The following LIMS2 variants were observed in gnomAD, a reference collection of about 807,000 sequenced individuals.
LIMS2 encodes LIM zinc finger domain containing 2.
A neutral mutation model predicts 45.3 loss-of-function variants in LIMS2; 30 were observed. The observed-to-expected ratio is 0.66, with a 90% CI of 0.50 to 0.90. The LOEUF (loss-of-function observed/expected upper bound fraction) is 0.90. Ranked by LOEUF, LIMS2 falls within the 40% of genes least tolerant of loss-of-function variation. The pLI is 0.00. For missense variants in LIMS2, 485 were observed against 468.7 expected, an observed-to-expected ratio of 1.03 and a Z score of -0.32; for synonymous variants, 173 against 188.0, an observed-to-expected ratio of 0.92 and a Z score of 0.65.
chr2:127,640,778 C>T (rs998372886), intron 7 of LIMS2, 118 bp downstream of exon 7: 1 of 886,620 alleles, frequency 1.1e-6, no homozygotes, highest in African/African-American at 1.6e-5. Context: ...AGGGTGCAGG[C>T]CTGGGCTCAG....
In LIMS2 at chr2:127,642,705, C is replaced by T; in HGVS notation, c.509+218G>A. The T allele has an allele frequency of 6.9e-6, 4 of 582,196 alleles. No homozygotes were observed. Among genetic ancestry groups the T allele is most frequent in the Non-Finnish European group, 1.2e-5 (4 of 332,158 alleles). The allele number at this position is 582,196 out of a possible 1,614,324, so 36.1% of individuals were successfully genotyped here. ...CCGCCTCCTGAGTCTCAAGTGCCCC[C>T]CAAACAGAGCCCTGGAGAGAGAAGC... On this transcript the variant is annotated intron_variant, in intron 5 of 9. Coordinates refer to ENST00000355119, the MANE Select transcript of LIMS2 (RefSeq NM_001161403.3). This position sits in a 1 kb window ranked among gnomAD's most constrained non-coding sequence, Gnocchi z 5.3.
In LIMS2 at chr2:127,664,484, G is replaced by A. The variant is rs1684889420; in HGVS notation, c.12-6922C>T. 2 of 1,172,366 alleles carry A rather than the reference G, an allele frequency of 1.7e-6. No individual in the cohort carries two copies. Among genetic ancestry groups the A allele is most frequent in the Admixed American group, 4.6e-5 (1 of 21,750 alleles). 72.6% of individuals were successfully genotyped at this position (1,172,366 alleles called of 1,614,324 possible). On this transcript the variant is annotated intron_variant, in intron 1 of 9. Coordinates refer to ENST00000355119, the MANE Select transcript of LIMS2 (RefSeq NM_001161403.3). This position sits in a 1 kb window ranked among gnomAD's most constrained non-coding sequence, Gnocchi z 5.5. ...GGGGAGGCGCGGCCGCCTGGGGCCA[G>A]ACACCAAGACGGGACGGGCGTGTGG...
chr2:127,650,139 CCCT>C (rs1683578380), intron 4 of LIMS2: 3 of 1,442,450 alleles, frequency 2.1e-6, no homozygotes, highest in South Asian at 2.4e-5. Flanking sequence ...CCTGGGGGCA[CCCT>C]CCTAAGTGCC....
chr2:127,676,407 C>CTTT (rs10677718), upstream of LIMS2, among the ~76,000 whole-genome samples: 707 of 115,838 alleles, frequency 6.1e-3, 22 homozygotes, highest in African/African-American at 0.017. Context: ...GCAGTTGTTA[C>CTTT]TTTTTTTTTT....
intron 2 of LIMS2, chr2:127,655,213 G>A: frequency 2.1e-6 from 1 of 477,542 alleles, no homozygotes; most frequent in Non-Finnish European, 3.9e-6. Flanking sequence ...GCGGTTTTAA[G>A]CCAGGAGGGA....
At chr2:127,654,950 C>G in intron 2 of LIMS2, 54 bp from the exon 3 acceptor site, 1 of 1,527,130 alleles carries the variant, frequency 6.5e-7, no homozygotes, top group Admixed American at 1.8e-5. Context: ...TCCCCATGAG[C>G]AGCCCAGGCC....
rs1031048125 is a variant in LIMS2, at chr2:127,642,460, G to A, written c.510-261C>T. On this transcript the variant is annotated intron_variant, in intron 5 of 9. Coordinates refer to ENST00000355119, the MANE Select transcript of LIMS2 (RefSeq NM_001161403.3). This position sits in a 1 kb window ranked among gnomAD's most constrained non-coding sequence, Gnocchi z 5.3. ...CTCTGAGAAGCAGGTCTGTTCTTGG[G>A]CCCCCCTCCTCCTCCAAACCAGAGG... 2.5e-5 allele frequency: 10 copies of A among 400,880 alleles called. No individual in the cohort carries two copies. Among genetic ancestry groups the A allele is most frequent in the African/African-American group, 1.8e-4 (9 of 48,900 alleles). The allele number at this position is 400,880 out of a possible 1,614,324, so 24.8% of individuals were successfully genotyped here.
chr2:127,651,159 C>T, intron 4 of LIMS2: 4 of 1,612,920 alleles, frequency 2.5e-6, no homozygotes, highest in Non-Finnish European at 3.4e-6. Context: ...GTCCCTCAAG[C>T]TCCGCAGGCC....
chr2:127,660,060 G>T (rs1418142676), intron 1 of LIMS2, among the ~76,000 whole-genome samples: 1 of 152,216 alleles, frequency 6.6e-6, no homozygotes, highest in East Asian at 1.9e-4. Flanking sequence ...GAAAGGGGAA[G>T]CTGGCTGGGC....
chr2:127,657,378 A>C, intron 2 of LIMS2, 25 bp downstream of exon 2: 1 of 1,613,446 alleles, frequency 6.2e-7, no homozygotes, highest in Non-Finnish European at 8.5e-7. Flanking sequence ...GCTGGGTCTG[A>C]GAAAGCCCTC....
chr2:127,673,780 G>T, intron 1 of LIMS2: 1 of 1,544,790 alleles, frequency 6.5e-7, no homozygotes, highest in South Asian at 1.2e-5. Flanking sequence ...CCAGCTGGCA[G>T]GGATGCTCTG....
rs1243077390 is a variant in LIMS2 at position 127,665,977 on chromosome 2, G to A, written c.12-8415C>T. Among the ~76,000 whole-genome samples the A allele has an allele frequency of 1.3e-5, 2 of 152,132 alleles. 1 individual carries two copies. Among genetic ancestry groups the A allele is most frequent in the Non-Finnish European group, 2.9e-5 (2 of 68,030 alleles). ...TCAACAAATATTTACTATAAAAGCG[G>A]ACATCGAAGGCTAGAAATTGAGAGA... On this transcript the variant is annotated intron_variant, in intron 1 of 9. Transcript: ENST00000355119.
chr2:127,657,307 G>C (rs1377929251), intron 2 of LIMS2, 96 bp downstream of exon 2: 61 of 1,460,978 alleles, frequency 4.2e-5, no homozygotes, highest in Non-Finnish European at 5.7e-5. Context: ...ACCTGGCCCT[G>C]TCACCAGTCG....
intron 4 of LIMS2, chr2:127,650,785 T>C (rs756379109): frequency 1.2e-6 from 2 of 1,613,842 alleles, no homozygotes; most frequent in Non-Finnish European, 1.7e-6. Context: ...AACTTCTCCC[T>C]GGCCACGGCA....
rs750438108 is a variant in LIMS2, at chr2:127,638,462, C to CAACAAA, written c.*813_*818dup. 1.3e-5 allele frequency: 2 copies of CAACAAA among 152,130 alleles called. No homozygotes were observed. Among genetic ancestry groups the CAACAAA allele is most frequent in the Admixed American group, 6.6e-5 (1 of 15,246 alleles). The allele number at this position is 152,130 out of a possible 1,614,324, so 9.4% of individuals were successfully genotyped here. ...AGCCTTCATTGTGCAAGCGTGAGCC[C>CAACAAA]AACAAACAAACACCAGGTCTGCGCT... On this transcript the variant is annotated 3_prime_UTR_variant, in exon 10 of 10. Transcript: ENST00000355119.
intron 4 of LIMS2, chr2:127,652,007 G>A: frequency 1.8e-6 from 1 of 548,830 alleles, no homozygotes; most frequent in Non-Finnish European, 3.3e-6. Flanking sequence ...TTCATCTGTG[G>A]CAGGGAGAGA....
At chr2:127,641,061 G>C in intron 6 of LIMS2, 73 bp from the exon 7 acceptor site, 1 of 1,236,204 alleles carries the variant, frequency 8.1e-7, no homozygotes, top group Non-Finnish European at 1.2e-6. Context: ...GGTGACCCGG[G>C]GACAACAGTG....
intron 6 of LIMS2, 58 bp downstream of exon 6, chr2:127,641,991 T>C: frequency 1.3e-6 from 2 of 1,574,064 alleles, no homozygotes; most frequent in Non-Finnish European, 8.6e-7. Context: ...GCTCTTACCA[T>C]GACCCTGAGC....
chr2:127,651,612 G>A (rs766212960), intron 4 of LIMS2: 19 of 1,613,396 alleles, frequency 1.2e-5, no homozygotes, highest in East Asian at 2.2e-5. Context: ...CGGGGCACTC[G>A]ACCCCATCAT....
Sources: gnomAD v4.1 joint callset for allele counts (sites outside exome capture counted in the v4.1 genomes callset) on GRCh38, gnomAD v4.1.1 for gene constraint, Gnocchi (gnomAD v3.1) non-coding constraint, MANE v1.5 for transcripts, NCBI Gene and HGNC (gene_info 2026-07-23, HGNC 2026-07-21) for gene names.